The following COL28A1 variants were observed in gnomAD, a reference collection of about 807,000 sequenced individuals.
COL28A1 encodes the protein collagen alpha-1(XXVIII) chain.
A neutral mutation model predicts 150.2 loss-of-function variants in COL28A1; 161 were observed. That is an observed-to-expected ratio of 1.07 (90% CI 0.94 to 1.22). The LOEUF (loss-of-function observed/expected upper bound fraction) is 1.22. Ranked by LOEUF, COL28A1 falls within the 50% of genes most tolerant of loss-of-function variation. The pLI is 0.00. For synonymous variants in COL28A1, 552 were observed against 469.7 expected (o/e 1.18, Z -2.26); for missense variants, 1,617 against 1,388.3 (o/e 1.16, Z -2.62).
Position 7,491,446 on chromosome 7 carries a change from C to G in COL28A1, c.1027-800G>C, listed in dbSNP as rs140098417. On this transcript the variant is annotated intron_variant, in intron 11 of 34. Coordinates refer to ENST00000399429, the MANE Select transcript of COL28A1 (RefSeq NM_001037763.3). ...TGAAGAGGCCTGGCTCCTGGATACCCTCAATGAGCAACTGATCCAGTCCTG... is the reference window on the plus strand; with the variant it reads ...TGAAGAGGCCTGGCTCCTGGATACCGTCAATGAGCAACTGATCCAGTCCTG... Among the ~76,000 whole-genome samples, 422 of 152,344 alleles carry G rather than the reference C, an allele frequency of 2.8e-3. 8 individuals are homozygous for G. The highest frequency in any genetic ancestry group is 9.6e-3 in the African/African-American group (400 of 41,586).
intron 11 of COL28A1, among the ~76,000 whole-genome samples, chr7:7,499,807 C>T (rs946014512): frequency 2.6e-5 from 4 of 152,174 alleles, no homozygotes; most frequent in African/African-American, 9.7e-5. Context: ...GACCTAGCTA[C>T]TAAGCTAATT....
intron 33 of COL28A1, among the ~76,000 whole-genome samples, chr7:7,370,521 G>A (rs1334845367): frequency 6.6e-6 from 1 of 152,084 alleles, no homozygotes; most frequent in Non-Finnish European, 1.5e-5. Flanking sequence ...TATAAAATAT[G>A]CAAGTTTTTA....
chr7:7,415,860 T>C (rs997708743), intron 27 of COL28A1, among the ~76,000 whole-genome samples: 20 of 152,180 alleles, frequency 1.3e-4, no homozygotes, highest in Non-Finnish European at 2.6e-4. Flanking sequence ...TGGAGTACAG[T>C]GGCACTATCT....
intron 33 of COL28A1, among the ~76,000 whole-genome samples, chr7:7,370,023 C>G (rs905158786): frequency 6.6e-6 from 1 of 152,000 alleles, no homozygotes; most frequent in East Asian, 1.9e-4. Flanking sequence ...AAAAAGGCTC[C>G]CCCATTTTCT....
chr7:7,538,184 C>A (rs184165172), upstream of COL28A1, among the ~76,000 whole-genome samples: 12 of 152,258 alleles, frequency 7.9e-5, no homozygotes, highest in East Asian at 1.4e-3. Context: ...CTATAAAAGA[C>A]AATTAGTTTT....
the COL28A1 span, among the ~76,000 whole-genome samples, chr7:7,339,532 T>C: frequency 6.6e-6 from 1 of 152,272 alleles, no homozygotes; most frequent in East Asian, 1.9e-4. Context: ...GGCAGACTTC[T>C]CTTTGATTTT....
intron 6 of COL28A1, 28 bp downstream of exon 6, chr7:7,520,034 T>C (rs754322765): frequency 9.0e-7 from 1 of 1,115,302 alleles, no homozygotes; most frequent in Non-Finnish European, 1.4e-6. Context: ...GATACGCTGG[T>C]TTAAAGAAAA....
chr7:7,381,679 A>G (rs1294627), intron 27 of COL28A1, 67 bp from the exon 28 acceptor site: 839,765 of 1,143,528 alleles, frequency 0.73, 317,614 homozygotes, highest in East Asian at 0.9. Context: ...TCTTTGGGTC[A>G]GAAACACACT....
rs889126426 is a variant in COL28A1, at chr7:7,444,054, C to T, written c.1581+364G>A. Among the ~76,000 whole-genome samples, 3 of 127,834 alleles carry T rather than the reference C, an allele frequency of 2.3e-5. No individual in the cohort carries two copies. In the East Asian group the frequency reaches 7.9e-4, roughly 34 times the overall value. 83.9% of individuals were successfully genotyped at this position (127,834 alleles called of 152,430 possible). On this transcript the variant is annotated intron_variant, in intron 19 of 34. Transcript: ENST00000399429. ...GTATTTCAAATGTCAACACAAAATA[C>T]TTCAGGAAATCTTTACAAAGGCCTT...
intron 34 of COL28A1, among the ~76,000 whole-genome samples, chr7:7,360,172 A>G (rs905709167): frequency 7.2e-5 from 11 of 152,162 alleles, no homozygotes; most frequent in African/African-American, 2.7e-4. Context: ...TCATAGACCA[A>G]ATTTACTCCA....
intron 11 of COL28A1, among the ~76,000 whole-genome samples, chr7:7,498,014 C>T (rs1780313752): frequency 6.6e-6 from 1 of 152,148 alleles, no homozygotes; most frequent in African/African-American, 2.4e-5. Context: ...CAGAAAAAGA[C>T]TCCATAATAA....
chr7:7,389,929 C>T (rs4720732), intron 27 of COL28A1, among the ~76,000 whole-genome samples: 115,101 of 152,128 alleles, frequency 0.76, 43,689 homozygotes, highest in Middle Eastern at 0.8. Flanking sequence ...TATACAACCA[C>T]GTCATCTGTA....
At chr7:7,502,694 T>C (rs1021535633) in intron 11 of COL28A1, among the ~76,000 whole-genome samples, 1 of 73,132 alleles carries the variant, frequency 1.4e-5, no homozygotes, top group East Asian at 3.4e-4. Context: ...TCCCTTCCTT[T>C]TTTTTTTTTT....
chr7:7,527,458 G>A (rs1054277983), intron 3 of COL28A1, among the ~76,000 whole-genome samples: 1 of 152,188 alleles, frequency 6.6e-6, no homozygotes, highest in African/African-American at 2.4e-5. Flanking sequence ...GACTAGTGTG[G>A]GCAATAAGAC....
In COL28A1 at chr7:7,417,923, T is replaced by C; in HGVS notation, c.2072A>G (p.Asp691Gly). The change falls in exon 27 of 35, where the codon GAT (aspartate) becomes GGT (glycine). Residue 691 changes from aspartate (D) to glycine (G), a missense_variant. Asp to Gly is a moderately conservative substitution (Grantham distance 94). Transcript: ENST00000399429. ...RGVGTQGPKG[D>G]TGQKGLPGPP... is the part of the protein sequence containing the mutation. ...GCCAGGCAAGCCTTTCTGCCCAGTA[T>C]CACCCTGTTAGAAGATGGGGAGAAT... The C allele has an allele frequency of 6.2e-7, 1 of 1,607,624 alleles. No individual in the cohort carries two copies. The highest frequency in any genetic ancestry group is 8.5e-7 in the Non-Finnish European group (1 of 1,178,050).
chr7:7,420,347 T>C (rs1216998401), intron 25 of COL28A1: 1 of 153,276 alleles, frequency 6.5e-6, no homozygotes, highest in Admixed American at 6.5e-5. Flanking sequence ...TGAGTTATGA[T>C]GTTTCTGCCA....
rs749842177 is a variant in COL28A1, at chr7:7,360,467, T to C, written c.3128A>G (p.Asp1043Gly). 1.6e-5 allele frequency: 25 copies of C among 1,609,880 alleles called. 1 individual carries two copies. The South Asian group carries it at 1.8e-4, about 11-fold the overall frequency. ...DKAPEPTWADDLPATTSSEAT... is the reference protein window; with the variant it reads ...DKAPEPTWADGLPATTSSEAT... ...CTCAGATGAGGTAGTGGCAGGCAGATCATCAGCCCACGTTGGCTCTGGAGC... is the reference window on the plus strand; with the variant it reads ...CTCAGATGAGGTAGTGGCAGGCAGACCATCAGCCCACGTTGGCTCTGGAGC... Residue 1043 changes from aspartate (D) to glycine (G), a missense_variant, in exon 34 of 35, where the codon GAT (aspartate) becomes GGT (glycine). Coordinates refer to ENST00000399429, the MANE Select transcript of COL28A1 (RefSeq NM_001037763.3).
chr7:7,433,399 G>A (rs1001968820), intron 23 of COL28A1, among the ~76,000 whole-genome samples: 2 of 152,148 alleles, frequency 1.3e-5, no homozygotes, highest in African/African-American at 4.8e-5. Context: ...ACTTTGGGAA[G>A]CTGAGGTGGG....
intron 11 of COL28A1, among the ~76,000 whole-genome samples, chr7:7,496,990 T>A (rs1320679754): frequency 6.7e-6 from 1 of 150,254 alleles, no homozygotes; most frequent in Non-Finnish European, 1.5e-5. Flanking sequence ...ATACAGAGAC[T>A]TGGGAGAAAG....
Sources: allele counts gnomAD v4.1 joint callset (sites outside exome capture counted in the v4.1 genomes callset), GRCh38; gene constraint gnomAD v4.1.1; transcripts MANE v1.5; gene names NCBI Gene and HGNC (gene_info 2026-07-23, HGNC 2026-07-21).